WDR64: variants seen among roughly 807,000 people sequenced by gnomAD.
WDR64 encodes WD repeat-containing protein 64.
Under a neutral mutation model 139.3 loss-of-function variants are expected in WDR64, and 112 were observed. That is an observed-to-expected ratio of 0.80 (90% CI 0.69 to 0.94). The LOEUF is 0.94. Ranked by LOEUF, WDR64 falls within the 40% of genes least tolerant of loss-of-function variation. The pLI, the probability that WDR64 is intolerant of heterozygous loss-of-function variation, is 0.00. For synonymous variants in WDR64, 444 were observed against 437.7 expected (o/e 1.01, Z -0.18); for missense variants, 1,206 against 1,293.1 (o/e 0.93, Z 1.03).
At chr1:241,736,673 A>G (rs1410199946) in intron 10 of WDR64, among the ~76,000 whole-genome samples, 1 of 152,212 alleles carries the variant, frequency 6.6e-6, no homozygotes, top group Non-Finnish European at 1.5e-5. Context: ...ACTTCTCTAA[A>G]ACATACAGGA....
At chr1:241,781,783 CAGAAT>C (rs71777931) in intron 22 of WDR64, among the ~76,000 whole-genome samples, 33,365 of 151,960 alleles carry the variant, frequency 0.22, 3,953 homozygotes, top group East Asian at 0.42. Context: ...TGCAGTAGAA[CAGAAT>C]AGATCATATT....
intron 7 of WDR64, among the ~76,000 whole-genome samples, chr1:241,685,513 C>G (rs1666970535): frequency 6.6e-6 from 1 of 151,934 alleles, no homozygotes; most frequent in Non-Finnish European, 1.5e-5. Context: ...TTCTATAGGA[C>G]TTCAAAGAGG....
chr1:241,703,248 T>C lies in WDR64; in HGVS notation c.975-8554T>C, dbSNP rs1667797775. On this transcript the variant is annotated intron_variant, in intron 8 of 27. Coordinates refer to ENST00000437684, the MANE Select transcript of WDR64 (RefSeq NM_001367482.1). The surrounding 1 kb of genome is among the most constrained non-coding windows in gnomAD (Gnocchi z 5.9). ...CAATCACACAGTTCCCCTGGGATGC[T>C]TCCCGTCTGCAGCATTGCCTTCCAT... Among the ~76,000 whole-genome samples the C allele has an allele frequency of 6.6e-6, 1 of 152,152 alleles. No individual in the cohort carries two copies. The highest frequency in any genetic ancestry group is 1.5e-5 in the Non-Finnish European group (1 of 68,026).
intron 24 of WDR64, 65 bp from the exon 25 acceptor site, chr1:241,790,526 C>A (rs1207221905): frequency 1.2e-5 from 16 of 1,361,736 alleles, no homozygotes; most frequent in Admixed American, 4.2e-5. Flanking sequence ...CATAATGGAT[C>A]TTTGTTTAGT....
At chr1:241,779,607 T>C (rs946389784) in intron 21 of WDR64, among the ~76,000 whole-genome samples, 1 of 152,064 alleles carries the variant, frequency 6.6e-6, no homozygotes, top group Non-Finnish European at 1.5e-5. Context: ...GGGTGGATCA[T>C]CTGAGGTCAG....
chr1:241,674,542 A>C (rs1666388413), intron 3 of WDR64, 102 bp from the exon 4 acceptor site: 1 of 661,440 alleles, frequency 1.5e-6, no homozygotes, highest in African/African-American at 1.9e-5. Context: ...GGAGTGAGCC[A>C]CTTGTGCCCT....
chr1:241,783,753 T>C (rs534907583), intron 23 of WDR64, among the ~76,000 whole-genome samples: 94 of 152,226 alleles, frequency 6.2e-4, no homozygotes, highest in Middle Eastern at 3.4e-3. Flanking sequence ...AAAAGAGCAA[T>C]TGATGCTGAG....
chr1:241,760,463 C>T (rs774053247), intron 15 of WDR64, among the ~76,000 whole-genome samples: 2 of 146,592 alleles, frequency 1.4e-5, no homozygotes, highest in East Asian at 1.9e-4. Context: ...GAAGGCCATA[C>T]ACAAAATGAA....
intron 15 of WDR64, among the ~76,000 whole-genome samples, chr1:241,759,559 A>C (rs1670344578): frequency 6.6e-6 from 1 of 152,212 alleles, no homozygotes; most frequent in Non-Finnish European, 1.5e-5. Context: ...CTTTTTAAAA[A>C]ATATAATCAA....
chr1:241,665,483 C>T (rs988926827), intron 2 of WDR64, among the ~76,000 whole-genome samples: 2 of 152,134 alleles, frequency 1.3e-5, no homozygotes, highest in African/African-American at 4.8e-5. Flanking sequence ...CACAGACATA[C>T]CAATCTTGTT....
intron 23 of WDR64, among the ~76,000 whole-genome samples, 167 bp from the exon 24 acceptor site, chr1:241,787,682 A>AAG (rs1491095954): frequency 1.3e-5 from 2 of 151,132 alleles, no homozygotes; most frequent in African/African-American, 4.9e-5. Flanking sequence ...AAAAAAAAAA[A>AAG]GTTTACATTA....
At chr1:241,660,471 A>T in intron 1 of WDR64, 59 bp from the exon 2 acceptor site, 1 of 1,518,050 alleles carries the variant, frequency 6.6e-7, no homozygotes, top group Non-Finnish European at 8.9e-7. Flanking sequence ...AATGTAGCTG[A>T]AATACAAAAG....
intron 27 of WDR64, among the ~76,000 whole-genome samples, chr1:241,798,658 T>C (rs1044777752): frequency 2.0e-5 from 3 of 152,226 alleles, no homozygotes; most frequent in East Asian, 1.9e-4. Flanking sequence ...ATATTCATCA[T>C]GTCCCCTGCA....
chr1:241,699,182 A>G (rs980928307), intron 8 of WDR64, among the ~76,000 whole-genome samples: 1 of 152,180 alleles, frequency 6.6e-6, no homozygotes, highest in Non-Finnish European at 1.5e-5. Context: ...GCCAAACCAT[A>G]TCACATGCCT....
chr1:241,685,750 C>T (rs1415305686), intron 7 of WDR64, among the ~76,000 whole-genome samples: 3 of 152,136 alleles, frequency 2.0e-5, no homozygotes, highest in Non-Finnish European at 4.4e-5. Flanking sequence ...GCTCCATTTT[C>T]CATCCTTCAC....
At chr1:241,717,001 C>G (rs28642986) in intron 9 of WDR64, among the ~76,000 whole-genome samples, 49,535 of 152,062 alleles carry the variant, frequency 0.33, 8,707 homozygotes, top group Middle Eastern at 0.46. Context: ...CCAGCCTCAT[C>G]ATCCAGGAAT....
chr1:241,791,594 C>T (rs1659216249), intron 25 of WDR64, among the ~76,000 whole-genome samples: 1 of 151,940 alleles, frequency 6.6e-6, no homozygotes, highest in South Asian at 2.1e-4. Flanking sequence ...ACCCCTTGAG[C>T]CCAGGAATTT....
In WDR64 at chr1:241,671,260, C is replaced by A; in HGVS notation, c.379+84C>A. The A allele has an allele frequency of 9.3e-6, 9 of 970,436 alleles. No homozygotes were observed. In the South Asian group the frequency reaches 1.3e-4, roughly 14 times the overall value. The allele number at this position is 970,436 out of a possible 1,614,324, so 60.1% of individuals were successfully genotyped here. ...ACTGGAACTATATTTTCCATAGAATCACTTTTCATTTTATGTATTTGTTCA... is the reference window on the plus strand; with the variant it reads ...ACTGGAACTATATTTTCCATAGAATAACTTTTCATTTTATGTATTTGTTCA... On this transcript the variant is annotated intron_variant, in intron 3 of 27. Coordinates refer to ENST00000437684, the MANE Select transcript of WDR64 (RefSeq NM_001367482.1).
chr1:241,749,315 GT>G (rs1170648103), intron 13 of WDR64, among the ~76,000 whole-genome samples: 1 of 152,154 alleles, frequency 6.6e-6, no homozygotes, highest in Non-Finnish European at 1.5e-5. Flanking sequence ...ATTTCAAGGC[GT>G]TGCCTGGTCC....
Sources: gnomAD v4.1 joint callset for allele counts (sites outside exome capture counted in the v4.1 genomes callset) on GRCh38, gnomAD v4.1.1 for gene constraint, Gnocchi (gnomAD v3.1) non-coding constraint, MANE v1.5 for transcripts, NCBI Gene and HGNC (gene_info 2026-07-23, HGNC 2026-07-21) for gene names.